FGF13: variants seen among roughly 807,000 people sequenced by gnomAD.
The protein encoded by FGF13 is fibroblast growth factor 13, also known as fibroblast growth factor homologous factor 2.
In FGF13, 2 loss-of-function variants were observed where a neutral mutation model predicts 19.5. The ratio of observed to expected loss-of-function variants is 0.10; its 90% CI spans 0.04 to 0.32. FGF13 has a LOEUF of 0.32. FGF13 is among the 10% of genes least tolerant of loss of function. The pLI is 1.00. For missense variants in FGF13, 113 were observed against 192.7 expected (o/e 0.59, Z 2.45); for synonymous variants, 72 against 76.9 (o/e 0.94, Z 0.33).
At chrX:138,676,882 A>G (rs1320760995) in intron 3 of FGF13, among the ~76,000 whole-genome samples, 5 of 112,314 alleles carry the variant, frequency 4.5e-5, no homozygotes, top group African/African-American at 1.6e-4. Flanking sequence ...AACTCCTGCT[A>G]CAAAGCATAA....
intron 1 of FGF13, among the ~76,000 whole-genome samples, chrX:138,874,130 A>G (rs1000924222): frequency 9.5e-6 from 1 of 104,790 alleles, no homozygotes; most frequent in Non-Finnish European, 1.9e-5. Flanking sequence ...TCGTGCACAC[A>G]TACCCTAGAA....
At chrX:138,851,068 C>T (rs998616650) in intron 3 of FGF13, among the ~76,000 whole-genome samples, 28 of 111,703 alleles carry the variant, frequency 2.5e-4, no homozygotes, top group Non-Finnish European at 4.9e-4. Flanking sequence ...AGGACATGAT[C>T]TCGTTCCTTT....
chrX:139,013,896 T>TA (rs1416555198), intron 1 of FGF13, among the ~76,000 whole-genome samples: 3 of 110,553 alleles, frequency 2.7e-5, no homozygotes, highest in African/African-American at 9.9e-5. Context: ...AAATATTTTT[T>TA]AAATCAAGCA....
At chrX:138,903,870 G>A (rs1156518254) in intron 1 of FGF13, among the ~76,000 whole-genome samples, 1 of 111,681 alleles carries the variant, frequency 9.0e-6, no homozygotes, top group Non-Finnish European at 1.9e-5. Flanking sequence ...ACAATTCTGG[G>A]CACCTCAAGT....
At chrX:138,884,934 C>T (rs2091444518) in intron 1 of FGF13, among the ~76,000 whole-genome samples, 1 of 111,868 alleles carries the variant, frequency 8.9e-6, no homozygotes, top group Non-Finnish European at 1.9e-5. Context: ...TCACAGATGT[C>T]GAAAATGGCA....
At chrX:138,956,731 C>G (rs1370976656) in intron 1 of FGF13, among the ~76,000 whole-genome samples, 1 of 111,261 alleles carries the variant, frequency 9.0e-6, no homozygotes, top group Non-Finnish European at 1.9e-5. Context: ...TTTTTACCCA[C>G]CCTTTTCAAC....
At chrX:138,893,044 G>T (rs1182495502) in intron 1 of FGF13, among the ~76,000 whole-genome samples, 1 of 111,028 alleles carries the variant, frequency 9.0e-6, no homozygotes, top group Non-Finnish European at 1.9e-5. Context: ...GACTACAAAA[G>T]GTAGCTACCG....
At chrX:138,857,287 T>C (rs2091263272), downstream of FGF13, among the ~76,000 whole-genome samples, 1 of 111,621 alleles carries the variant, frequency 9.0e-6, no homozygotes. Context: ...ATGTTTCAGC[T>C]GTGAAAAGCA....
intron 1 of FGF13, among the ~76,000 whole-genome samples, chrX:139,132,151 C>T (rs2083766780): frequency 9.0e-6 from 1 of 111,493 alleles, no homozygotes; most frequent in African/African-American, 3.3e-5. Flanking sequence ...TAGTTTATTT[C>T]TGGTTTTACG....
At chrX:138,967,741 A>T (rs1476397822) in intron 1 of FGF13, among the ~76,000 whole-genome samples, 1 of 111,882 alleles carries the variant, frequency 8.9e-6, no homozygotes, top group African/African-American at 3.3e-5. Context: ...AAGACAAAAT[A>T]CAGTAAACAG....
At chrX:138,908,149 C>T (rs1265109244) in intron 1 of FGF13, among the ~76,000 whole-genome samples, 1 of 102,608 alleles carries the variant, frequency 9.7e-6, no homozygotes, top group Admixed American at 1.1e-4. Flanking sequence ...CGGCTCACTG[C>T]AAGCTCTGCC....
chrX:138,847,832 G>A (rs774688876), intron 3 of FGF13, among the ~76,000 whole-genome samples: 1 of 111,848 alleles, frequency 8.9e-6, no homozygotes, highest in East Asian at 2.8e-4. Flanking sequence ...TAGATGATAA[G>A]AGGGCAATGC....
chrX:139,180,359 A>C (rs1213362903), intron 1 of FGF13, among the ~76,000 whole-genome samples: 4 of 112,285 alleles, frequency 3.6e-5, no homozygotes, highest in African/African-American at 9.7e-5. Flanking sequence ...CTGGCATCAT[A>C]CTGGGCACTA....
At chrX:139,111,919 T>TC (rs1456685249) in intron 1 of FGF13, among the ~76,000 whole-genome samples, 5 of 111,668 alleles carry the variant, frequency 4.5e-5, no homozygotes, top group Admixed American at 1.9e-4. Context: ...AACAACCTCC[T>TC]CCCCCAGCCT....
upstream of FGF13, chrX:138,712,019 G>GT (rs1353835895): frequency 9.0e-6 from 1 of 111,257 alleles, no homozygotes; most frequent in Admixed American, 9.4e-5. Context: ...TGGTGGGGGT[G>GT]TTTCCTCAGT....
chrX:138,853,600 TGTGTGTGTGTGTGCGTGTGC>T (rs2091237784), downstream of FGF13, among the ~76,000 whole-genome samples: 1 of 91,180 alleles, frequency 1.1e-5, no homozygotes, highest in Non-Finnish European at 2.2e-5. Flanking sequence ...GAAGACAGAA[TGTGTGTGTGTGTGCGTGTGC>T]GTGTGTGTGT....
intron 1 of FGF13, among the ~76,000 whole-genome samples, chrX:139,028,822 C>T (rs1239885802): frequency 3.7e-5 from 4 of 109,343 alleles, no homozygotes; most frequent in Non-Finnish European, 5.7e-5. Context: ...TGGATAGAAT[C>T]GTTGGTAGCT....
intron 3 of FGF13, among the ~76,000 whole-genome samples, chrX:138,850,759 A>G (rs1444630550): frequency 8.9e-6 from 1 of 112,326 alleles, no homozygotes; most frequent in Non-Finnish European, 1.9e-5. Context: ...TCCGGTGTAC[A>G]TGTGTGGGAT....
intron 1 of FGF13, among the ~76,000 whole-genome samples, chrX:138,868,959 CA>C (rs1218694388): frequency 1.8e-5 from 2 of 109,757 alleles, no homozygotes; most frequent in Non-Finnish European, 3.8e-5. Flanking sequence ...GTGCTAGCGG[CA>C]AAAAAAATTA....
Sources: gnomAD v4.1 joint callset for allele counts (sites outside exome capture counted in the v4.1 genomes callset) on GRCh38, gnomAD v4.1.1 for gene constraint, MANE v1.5 for transcripts, NCBI Gene and HGNC (gene_info 2026-07-23, HGNC 2026-07-21) for gene names.